HOMER1: variants seen among roughly 807,000 people sequenced by gnomAD.
The protein encoded by HOMER1 is homer protein homolog 1.
A neutral mutation model predicts 48.9 loss-of-function variants in HOMER1; 3 were observed. That is an observed-to-expected ratio of 0.06 (90% CI 0.03 to 0.16). The LOEUF is 0.16. Ranked by LOEUF, HOMER1 falls within the 10% of genes least tolerant of loss-of-function variation. The probability of loss-of-function intolerance (pLI) is 1.00; values close to 1 mark genes in which losing one functional copy is unlikely to be tolerated. For synonymous variants in HOMER1, 134 were observed against 146.4 expected (o/e 0.92, Z 0.61); for missense variants, 247 against 411.4 (o/e 0.60, Z 3.46).
chr5:79,507,255 G>C (rs1580049263), intron 1 of HOMER1, among the ~76,000 whole-genome samples: 1 of 135,804 alleles, frequency 7.4e-6, no homozygotes, highest in South Asian at 2.4e-4. Flanking sequence ...AAAAAAAACA[G>C]TTTTACCTAC....
chr5:79,491,785 A>T (rs1372693756), intron 1 of HOMER1, among the ~76,000 whole-genome samples: 1 of 152,234 alleles, frequency 6.6e-6, no homozygotes, highest in Non-Finnish European at 1.5e-5. Flanking sequence ...AGAAGCTACT[A>T]TGTGAAATAA....
chr5:79,453,771 AG>A (rs1335921184), intron 2 of HOMER1, among the ~76,000 whole-genome samples: 6 of 152,170 alleles, frequency 3.9e-5, no homozygotes, highest in Admixed American at 3.9e-4. Flanking sequence ...AGAGGCACTA[AG>A]TGAGAACGAG....
chr5:79,438,876 T>TAA lies in HOMER1; in HGVS notation c.527+132_527+133dup, dbSNP rs78093840. 3,363 of 486,654 alleles carry TAA rather than the reference T, an allele frequency of 6.9e-3. 2 individuals are homozygous for TAA. Among genetic ancestry groups the TAA allele is most frequent in the African/African-American group, 0.012 (500 of 41,876 alleles). 30.1% of individuals were successfully genotyped at this position (486,654 alleles called of 1,614,324 possible). A position where few individuals can be genotyped will look rare whatever the true frequency, so the allele number is the denominator to read the frequency against. On this transcript the variant is annotated intron_variant, in intron 5 of 8. Transcript: ENST00000334082. Reference sequence around the variant, plus strand: ...TCATTTCTGAGGTTAACAGAAGCAGTAAAAAAAAAAAAAAAAAAAGTCAAA... The same window carrying TAA: ...TCATTTCTGAGGTTAACAGAAGCAGTAAAAAAAAAAAAAAAAAAAAAGTCAAA...
chr5:79,504,818 T>C (rs971644486), intron 1 of HOMER1, among the ~76,000 whole-genome samples: 13 of 152,228 alleles, frequency 8.5e-5, no homozygotes, highest in African/African-American at 3.1e-4. Flanking sequence ...TCGGCCTAAT[T>C]GCTAGAAATC....
intron 2 of HOMER1, among the ~76,000 whole-genome samples, chr5:79,451,760 G>A (rs1269031099): frequency 1.3e-5 from 2 of 151,368 alleles, no homozygotes; most frequent in South Asian, 2.1e-4. Context: ...TAGTAGAGAC[G>A]GGGTTTCACC....
chr5:79,446,469 G>A (rs1481247722), intron 4 of HOMER1, among the ~76,000 whole-genome samples: 1 of 152,038 alleles, frequency 6.6e-6, no homozygotes, highest in Non-Finnish European at 1.5e-5. Context: ...TCCCCTTGTG[G>A]TTACATTTGA....
At chr5:79,394,554 C>G (rs376718214) in intron 8 of HOMER1, among the ~76,000 whole-genome samples, 10 of 152,256 alleles carry the variant, frequency 6.6e-5, no homozygotes, top group Admixed American at 2.6e-4. Flanking sequence ...AATTCAATTA[C>G]TGCTCTATCA....
intron 1 of HOMER1, among the ~76,000 whole-genome samples, chr5:79,501,792 A>T (rs1752599987): frequency 6.6e-6 from 1 of 152,130 alleles, no homozygotes; most frequent in African/African-American, 2.4e-5. Flanking sequence ...CCATAGTCAC[A>T]ATTTCCCTTT....
rs1482963018 is a variant in HOMER1, at chr5:79,426,437, C to A, written c.527+12573G>T. Among the ~76,000 whole-genome samples the A allele has an allele frequency of 3.3e-5, 5 of 152,130 alleles. No individual in the cohort carries two copies. In the East Asian group the frequency reaches 9.7e-4, roughly 29 times the overall value. ...TGTATATGTGGTACTATATGTGTTA[C>A]ATATACACAATGGAGTACGATTCTG... On this transcript the variant is annotated intron_variant, in intron 5 of 8. Transcript: ENST00000334082.
At chr5:79,441,669 C>T (rs1409119214) in intron 4 of HOMER1, among the ~76,000 whole-genome samples, 1 of 151,694 alleles carries the variant, frequency 6.6e-6, no homozygotes, top group African/African-American at 2.4e-5. Flanking sequence ...CTGAACCGAT[C>T]GAGAACTTGG....
At chr5:79,448,614 C>A (rs1424039183) in intron 3 of HOMER1, among the ~76,000 whole-genome samples, 1 of 152,052 alleles carries the variant, frequency 6.6e-6, no homozygotes, top group Non-Finnish European at 1.5e-5. Context: ...TTCTCCAAAC[C>A]CTTATAATGT....
chr5:79,486,282 AT>A (rs1427981083), intron 1 of HOMER1, among the ~76,000 whole-genome samples: 1 of 152,046 alleles, frequency 6.6e-6, no homozygotes, highest in Admixed American at 6.6e-5. Context: ...AAGCTAAACA[AT>A]TGTTTTTTTA....
At chr5:79,380,400 G>A (rs1299094409) in intron 8 of HOMER1, among the ~76,000 whole-genome samples, 2 of 152,210 alleles carry the variant, frequency 1.3e-5, no homozygotes, top group Non-Finnish European at 2.9e-5. Flanking sequence ...AGGCTCAAGA[G>A]AAACATGGGC....
chr5:79,467,340 G>A (rs1329842872), intron 1 of HOMER1, among the ~76,000 whole-genome samples: 3 of 137,730 alleles, frequency 2.2e-5, no homozygotes, highest in East Asian at 2.4e-4. Context: ...GCAGTGAGCC[G>A]AGATTGCACC....
chr5:79,452,623 ATATT>A (rs759269218), intron 2 of HOMER1, among the ~76,000 whole-genome samples: 66 of 152,178 alleles, frequency 4.3e-4, no homozygotes, highest in Non-Finnish European at 7.8e-4. Context: ...ATAAAAGTAA[ATATT>A]TAAGAGCTAT....
intron 5 of HOMER1, among the ~76,000 whole-genome samples, chr5:79,412,883 A>T (rs1278477134): frequency 6.6e-6 from 1 of 152,258 alleles, no homozygotes; most frequent in Non-Finnish European, 1.5e-5. Context: ...ATGCTATAAC[A>T]ACTAAGGGCA....
chr5:79,495,224 C>T (rs1752388054), intron 1 of HOMER1, among the ~76,000 whole-genome samples: 1 of 152,166 alleles, frequency 6.6e-6, no homozygotes, highest in African/African-American at 2.4e-5. Flanking sequence ...TAGTCATGAT[C>T]TGGCCTCTAT....
intron 1 of HOMER1, among the ~76,000 whole-genome samples, chr5:79,491,130 T>C (rs1400242341): frequency 7.7e-6 from 1 of 129,474 alleles, no homozygotes; most frequent in African/African-American, 2.9e-5. Flanking sequence ...GCTCTTTATT[T>C]AGAAGTTAAA....
rs934338070 is a variant in HOMER1 at position 79,459,466 on chromosome 5, G to GT, written c.6-2449dup. On this transcript the variant is annotated intron_variant, in intron 1 of 8. Transcript: ENST00000334082. ...TCTTTAATTCTCTTCTGAACAGCTG[G>GT]TTTTTTTAAAGAAAATTATAGTTTA... is the stretch of plus-strand genomic sequence containing the variant. 1.8e-4 allele frequency among the ~76,000 whole-genome samples: 28 copies of GT among 152,066 alleles called. No individual in the cohort carries two copies. In the East Asian group the frequency reaches 4.1e-3, roughly 22 times the overall value.
Sources: allele counts gnomAD v4.1 joint callset (sites outside exome capture counted in the v4.1 genomes callset), GRCh38; gene constraint gnomAD v4.1.1; transcripts MANE v1.5; gene names NCBI Gene and HGNC (gene_info 2026-07-23, HGNC 2026-07-21).